Variants in DAGLA observed in about 807,000 individuals in gnomAD.
The protein encoded by DAGLA is diacylglycerol lipase alpha.
DAGLA carries 22 observed loss-of-function variants against 102.6 expected under a neutral mutation model. That is an observed-to-expected ratio of 0.21 (90% CI 0.15 to 0.31). The LOEUF is 0.31. DAGLA is among the 10% of genes least tolerant of loss of function. DAGLA has a pLI of 1.00. For synonymous variants in DAGLA, 578 were observed against 628.9 expected (o/e 0.92, Z 1.21); for missense variants, 927 against 1,446.6 (o/e 0.64, Z 5.83).
At position 61,686,648 on chromosome 11, in the gene DAGLA, C is replaced by T. The variant is rs1048811147; in HGVS notation, c.-45+6144C>T. On this transcript the variant is annotated intron_variant, in intron 1 of 19. Coordinates refer to ENST00000257215, the MANE Select transcript of DAGLA (RefSeq NM_006133.3). The surrounding 1 kb of genome is among the most constrained non-coding windows in gnomAD (Gnocchi z 5.2). ...CCTGGAGACGGTCCTGGCCAGGGAG[C>T]CTGCGGCTCTGGGGTGGAGGTCGGG... Among the ~76,000 whole-genome samples the T allele has an allele frequency of 1.3e-5, 2 of 152,194 alleles. No homozygotes were observed. The highest frequency in any genetic ancestry group is 4.1e-4 in the South Asian group (2 of 4,834).
rs2065470221 is a variant in DAGLA, at chr11:61,740,669, A to T, written c.1983+77A>T. ...ATCAGAACCCCGTAAGCACCATCAGATCACTGCCCGATTTTACAGACAAGG... is the reference window on the plus strand; with the variant it reads ...ATCAGAACCCCGTAAGCACCATCAGTTCACTGCCCGATTTTACAGACAAGG... On this transcript the variant is annotated intron_variant, in intron 18 of 19. Transcript: ENST00000257215. 34 of 1,555,984 alleles carry T rather than the reference A, an allele frequency of 2.2e-5. No individual in the cohort carries two copies. The South Asian group carries it at 4.0e-4, about 18-fold the overall frequency.
intron 1 of DAGLA, among the ~76,000 whole-genome samples, chr11:61,696,092 A>G (rs965975519): frequency 4.6e-5 from 7 of 152,150 alleles, no homozygotes; most frequent in Admixed American, 3.3e-4. Flanking sequence ...GCTTGCTCTC[A>G]GGGAGCAGGA....
chr11:61,706,824 G>A (rs528427254), intron 1 of DAGLA, among the ~76,000 whole-genome samples: 1 of 152,330 alleles, frequency 6.6e-6, no homozygotes, highest in East Asian at 1.9e-4. Flanking sequence ...CCCTGGAGGA[G>A]ACGAGGTGCC....
chr11:61,729,032 C>G (rs1162451560), intron 8 of DAGLA, 24 bp downstream of exon 8: 1 of 1,597,044 alleles, frequency 6.3e-7, no homozygotes, highest in African/African-American at 1.3e-5. Context: ...CAACTCTCAC[C>G]CCACCCCGTC....
rs1014186567 is a variant in DAGLA, at chr11:61,684,984, T to G, written c.-45+4480T>G. On this transcript the variant is annotated intron_variant, in intron 1 of 19. Transcript: ENST00000257215. The surrounding 1 kb of genome is among the most constrained non-coding windows in gnomAD (Gnocchi z 4.5). ...AGTATTCCTTAGAAGGAAGCTGGGCTGCAGGCGGGGCTCTCACACACCCTT... is the reference window on the plus strand; with the variant it reads ...AGTATTCCTTAGAAGGAAGCTGGGCGGCAGGCGGGGCTCTCACACACCCTT... Among the ~76,000 whole-genome samples the G allele has an allele frequency of 6.6e-6, 1 of 152,100 alleles. No homozygotes were observed. Among genetic ancestry groups the G allele is most frequent in the African/African-American group, 2.4e-5 (1 of 41,398 alleles).
At chr11:61,688,171 C>T (rs192647453) in intron 1 of DAGLA, among the ~76,000 whole-genome samples, 74 of 152,010 alleles carry the variant, frequency 4.9e-4, no homozygotes, top group Admixed American at 4.6e-4. Flanking sequence ...AAAAATTAGC[C>T]GGGCATGGTG....
In DAGLA at chr11:61,735,780, C is replaced by A; in HGVS notation, c.1254C>A (p.Pro418=). 1 of 1,612,982 alleles carries A rather than the reference C, an allele frequency of 6.2e-7. No individual in the cohort carries two copies. Among genetic ancestry groups the A allele is most frequent in the East Asian group, 2.2e-5 (1 of 44,822 alleles). The change falls in exon 12 of 20, where the codon CCC becomes CCA. Residue 418 remains proline, a synonymous_variant. Coordinates refer to ENST00000257215, the MANE Select transcript of DAGLA (RefSeq NM_006133.3). Reference sequence around the variant, plus strand: ...TGACGGGTGATGCTGAGCGCCTCCCCGTGGAGGGGCACCACGGCACCTGGC... The same window carrying A: ...TGACGGGTGATGCTGAGCGCCTCCCAGTGGAGGGGCACCACGGCACCTGGC... ...TDLTGDAERL[P]VEGHHGTWLG...
intron 12 of DAGLA, 64 bp from the exon 13 acceptor site, chr11:61,736,206 C>T (rs2065421961): frequency 1.7e-5 from 24 of 1,385,236 alleles, no homozygotes; most frequent in Non-Finnish European, 2.5e-5. Context: ...CTGCAGGTCA[C>T]TGTGGGTTTG....
chr11:61,732,778 C>T (rs2065386828), intron 9 of DAGLA, among the ~76,000 whole-genome samples: 1 of 152,178 alleles, frequency 6.6e-6, no homozygotes, highest in African/African-American at 2.4e-5. Flanking sequence ...AGGCCAGAGT[C>T]CAGTGCCCCA....
rs2064971092 is a variant in DAGLA at position 61,684,568 on chromosome 11, G to A, written c.-45+4064G>A. ...TGCTGAGGAAGGAGTCCAGGGAGATGCCGTGGAGGGGATTGGTGTGACCAC... is the reference window on the plus strand; with the variant it reads ...TGCTGAGGAAGGAGTCCAGGGAGATACCGTGGAGGGGATTGGTGTGACCAC... On this transcript the variant is annotated intron_variant, in intron 1 of 19. Transcript: ENST00000257215. The surrounding 1 kb of genome is among the most constrained non-coding windows in gnomAD (Gnocchi z 4.5). Among the ~76,000 whole-genome samples, 1 of 152,124 alleles carries A rather than the reference G, an allele frequency of 6.6e-6. No individual in the cohort carries two copies. Among genetic ancestry groups the A allele is most frequent in the South Asian group, 2.1e-4 (1 of 4,822 alleles).
intron 1 of DAGLA, among the ~76,000 whole-genome samples, chr11:61,708,180 G>A (rs1054831633): frequency 1.3e-5 from 2 of 151,964 alleles, no homozygotes; most frequent in African/African-American, 4.8e-5. Context: ...GCTAATTTTT[G>A]TATTTTTAGT....
rs149531033 is a variant in DAGLA, at chr11:61,688,911, G to A, written c.-45+8407G>A. Among the ~76,000 whole-genome samples the A allele has an allele frequency of 9.0e-3, 1,374 of 152,356 alleles. 26 individuals are homozygous for A. The highest frequency in any genetic ancestry group is 0.031 in the African/African-American group (1,290 of 41,586). ...CTCTGCTTTCTCATCAGCTTTACTC[G>A]GAGCGCATTTCAGTGCTGGGCTGGG... is the stretch of plus-strand genomic sequence containing the variant. On this transcript the variant is annotated intron_variant, in intron 1 of 19. Coordinates refer to ENST00000257215, the MANE Select transcript of DAGLA (RefSeq NM_006133.3).
Position 61,734,815 on chromosome 11 carries a change from C to A in DAGLA, c.975-34C>A. 6.3e-7 allele frequency: 1 copy of A among 1,595,766 alleles called. No homozygotes were observed. Among genetic ancestry groups the A allele is most frequent in the Non-Finnish European group, 8.6e-7 (1 of 1,166,622 alleles). ...GAGACATTTGTTCCCTCGGGGACTC[C>A]CTGGCCCTGAACTCTCTTGTCACCC... On this transcript the variant is annotated intron_variant, in intron 9 of 19. Coordinates refer to ENST00000257215, the MANE Select transcript of DAGLA (RefSeq NM_006133.3). The surrounding 1 kb of genome is among the most constrained non-coding windows in gnomAD (Gnocchi z 4.2).
intron 19 of DAGLA, 43 bp downstream of exon 19, chr11:61,741,392 G>T: frequency 6.3e-7 from 1 of 1,578,132 alleles, no homozygotes. Flanking sequence ...GGTGAGTGTG[G>T]TTCAGAGCAC....
At chr11:61,696,236 C>G (rs559779815) in intron 1 of DAGLA, among the ~76,000 whole-genome samples, 1 of 152,202 alleles carries the variant, frequency 6.6e-6, no homozygotes, top group Non-Finnish European at 1.5e-5. Flanking sequence ...GACTCACCCT[C>G]GGCCTGGCTG....
intron 1 of DAGLA, among the ~76,000 whole-genome samples, chr11:61,717,199 G>A (rs1423729869): frequency 6.6e-6 from 1 of 152,190 alleles, no homozygotes; most frequent in Non-Finnish European, 1.5e-5. Context: ...ATTTCCTCCA[G>A]ATGAAATCAC....
At position 61,723,407 on chromosome 11, in the gene DAGLA, C is replaced by T. The variant is rs201587235; in HGVS notation, c.410-27C>T. The T allele has an allele frequency of 4.9e-5, 79 of 1,605,168 alleles. 1 individual carries two copies. On this transcript the variant is annotated intron_variant, in intron 4 of 19. Coordinates refer to ENST00000257215, the MANE Select transcript of DAGLA (RefSeq NM_006133.3). Reference sequence around the variant, plus strand: ...CAGAGAGGTGTCCCCAGCGCCCCTACCTAATGCCTCCCACTGCTGCCCGCA... The same window carrying T: ...CAGAGAGGTGTCCCCAGCGCCCCTATCTAATGCCTCCCACTGCTGCCCGCA...
At chr11:61,703,595 A>G (rs552524987) in intron 1 of DAGLA, among the ~76,000 whole-genome samples, 2 of 152,358 alleles carry the variant, frequency 1.3e-5, no homozygotes, top group African/African-American at 4.8e-5. Flanking sequence ...TGGCAGGCCA[A>G]CGTAAGAGGG....
chr11:61,723,442 G>T lies in DAGLA; in HGVS notation c.418G>T (p.Val140Phe). ...CCCACTGCTGCCCGCAGGAATGGTT[G>T]TCTGCAACTGGGTAGTCATCCTCAG... ...TAKNVTLGMV[V>F]CNWVVILSVC... The change falls in exon 5 of 20, where the codon GTC becomes TTC. Residue 140 changes from valine to phenylalanine, a missense_variant. Val to Phe is a conservative substitution (Grantham distance 50). Transcript: ENST00000257215. 6.2e-7 allele frequency: 1 copy of T among 1,612,000 alleles called. No individual in the cohort carries two copies. The highest frequency in any genetic ancestry group is 8.5e-7 in the Non-Finnish European group (1 of 1,178,218).
Sources: gnomAD v4.1 joint callset for allele counts (sites outside exome capture counted in the v4.1 genomes callset) on GRCh38, gnomAD v4.1.1 for gene constraint, Gnocchi (gnomAD v3.1) non-coding constraint, MANE v1.5 for transcripts, NCBI Gene and HGNC (gene_info 2026-07-23, HGNC 2026-07-21) for gene names.